Variants in AZI2 observed in about 807,000 individuals in gnomAD.
The protein encoded by AZI2 is 5-azacytidine-induced protein 2.
In AZI2, 22 loss-of-function variants were observed where a neutral mutation model predicts 45.8. The ratio of observed to expected loss-of-function variants is 0.48; its 90% CI spans 0.34 to 0.69. AZI2 has a LOEUF of 0.69. Ranked by LOEUF, AZI2 falls within the 30% of genes least tolerant of loss-of-function variation. AZI2 has a pLI of 0.01. For missense variants in AZI2, 417 were observed against 441.5 expected (o/e 0.94, Z 0.50); for synonymous variants, 137 against 156.7 (o/e 0.87, Z 0.94).
chr3:28,324,565 C>A, intron 7 of AZI2, 111 bp from the exon 8 acceptor site: 1 of 1,025,384 alleles, frequency 9.8e-7, no homozygotes, highest in East Asian at 2.7e-5. Context: ...TTAAGATTTC[C>A]AAGTTAGTGT....
chr3:28,337,713 T>TA (rs2125656414), intron 4 of AZI2, among the ~76,000 whole-genome samples: 1 of 152,154 alleles, frequency 6.6e-6, no homozygotes, highest in Non-Finnish European at 1.5e-5. Context: ...TAGACCTGAA[T>TA]AAAAACCATC....
rs185046616 is a variant in AZI2 at position 28,348,720 on chromosome 3, C to T, written c.-125G>A. The T allele has an allele frequency of 3.1e-3, 485 of 157,404 alleles. 1 individual carries two copies. Among genetic ancestry groups the T allele is most frequent in the African/African-American group, 0.01 (435 of 41,630 alleles). 9.8% of individuals were successfully genotyped at this position (157,404 alleles called of 1,614,324 possible). On this transcript the variant is annotated 5_prime_UTR_variant, in exon 1 of 8. Coordinates refer to ENST00000479665, the MANE Select transcript of AZI2 (RefSeq NM_022461.5). ...GGTCACCACGGGCTTCCGGTTTCTT[C>T]GAAGACACCGCCGCTTCCACAGCGA...
intron 4 of AZI2, among the ~76,000 whole-genome samples, 185 bp downstream of exon 4, chr3:28,337,752 T>C (rs1176861082): frequency 6.6e-6 from 1 of 152,008 alleles, no homozygotes; most frequent in Non-Finnish European, 1.5e-5. Flanking sequence ...GTGCAATATA[T>C]AGCTAAGGAA....
intron 1 of AZI2, among the ~76,000 whole-genome samples, chr3:28,347,635 C>T (rs533366049): frequency 4.8e-4 from 73 of 152,320 alleles, no homozygotes; most frequent in African/African-American, 1.7e-3. Flanking sequence ...GTGTTCTGAC[C>T]TAATCCAGTG....
At chr3:28,343,763 C>T (rs1264449279) in intron 1 of AZI2, among the ~76,000 whole-genome samples, 6 of 151,810 alleles carry the variant, frequency 4.0e-5, no homozygotes, top group Non-Finnish European at 8.8e-5. Flanking sequence ...TAATATTTTC[C>T]CCTCTCCAAT....
At chr3:28,347,908 C>T (rs746005563) in intron 1 of AZI2, among the ~76,000 whole-genome samples, 8 of 152,208 alleles carry the variant, frequency 5.3e-5, no homozygotes, top group African/African-American at 9.6e-5. Context: ...ACACATAAGG[C>T]GCAAGGGTCA....
chr3:28,332,472 A>G (rs369977984), intron 5 of AZI2, 45 bp from the exon 6 acceptor site: 38 of 1,518,806 alleles, frequency 2.5e-5, no homozygotes, highest in Admixed American at 3.4e-5. Context: ...TGTAATTTTT[A>G]CAATTTATTT....
intron 6 of AZI2, among the ~76,000 whole-genome samples, chr3:28,327,811 G>C (rs1166291164): frequency 2.0e-5 from 3 of 149,832 alleles, no homozygotes; most frequent in South Asian, 2.1e-4. Flanking sequence ...TTGTTGTACA[G>C]GAATATCACA....
intron 5 of AZI2, among the ~76,000 whole-genome samples, chr3:28,334,272 T>C (rs1476526002): frequency 1.3e-5 from 2 of 151,960 alleles, no homozygotes; most frequent in African/African-American, 4.8e-5. Flanking sequence ...GCTAGACTAA[T>C]GTGAGCTAGA....
At chr3:28,325,411 TGGA>T (rs1395171784) in intron 7 of AZI2, among the ~76,000 whole-genome samples, 1 of 150,836 alleles carries the variant, frequency 6.6e-6, no homozygotes, top group Admixed American at 6.6e-5. Flanking sequence ...TGGATATGGA[TGGA>T]GGAGAACTGG....
At chr3:28,326,671 T>G in intron 7 of AZI2, 161 bp downstream of exon 7, 1 of 714,562 alleles carries the variant, frequency 1.4e-6, no homozygotes, top group Non-Finnish European at 2.6e-6. Context: ...TTGACCAGTA[T>G]GAGACTGAAG....
intron 1 of AZI2, among the ~76,000 whole-genome samples, chr3:28,343,758 T>C (rs747957959): frequency 6.6e-6 from 1 of 151,974 alleles, no homozygotes; most frequent in Non-Finnish European, 1.5e-5. Context: ...GCTATTAATA[T>C]TTTCCCCTCT....
Position 28,321,819 on chromosome 3 carries a change from C to G in AZI2, c.*2223G>C, listed in dbSNP as rs973879436. 6.6e-6 allele frequency: 1 copy of G among 151,308 alleles called. No individual in the cohort carries two copies. Among genetic ancestry groups the G allele is most frequent in the Non-Finnish European group, 1.5e-5 (1 of 67,512 alleles). The allele number at this position is 151,308 out of a possible 1,614,324, so 9.4% of individuals were successfully genotyped here. ...GTAAGTCTTACAGATGTAAATTTTA[C>G]TTTAGCTAATAAGGGAGCAAGAGGA... On this transcript the variant is annotated 3_prime_UTR_variant, in exon 8 of 8. Transcript: ENST00000479665.
chr3:28,327,527 T>TG (rs1335548996), intron 6 of AZI2, among the ~76,000 whole-genome samples: 2 of 151,084 alleles, frequency 1.3e-5, no homozygotes, highest in East Asian at 3.9e-4. Context: ...GCACAAGACA[T>TG]GAAGAGCCAG....
chr3:28,347,404 C>G (rs1249478857), intron 1 of AZI2, among the ~76,000 whole-genome samples: 3 of 152,110 alleles, frequency 2.0e-5, no homozygotes, highest in Non-Finnish European at 4.4e-5. Flanking sequence ...AGAATCTCCT[C>G]AGATTACAGG....
In AZI2 at chr3:28,321,271, G is replaced by GT. The variant is rs1164492336; in HGVS notation, c.*2770dup. 1 of 151,274 alleles carries GT rather than the reference G, an allele frequency of 6.6e-6. No homozygotes were observed. Among genetic ancestry groups the GT allele is most frequent in the Non-Finnish European group, 1.5e-5 (1 of 67,516 alleles). The allele number at this position is 151,274 out of a possible 1,614,324, so 9.4% of individuals were successfully genotyped here. ...TTTCCTAGAGCACAGGAAGTTAACT[G>GT]TTTTTAGAGATAAATGAAAATGGAA... is the stretch of plus-strand genomic sequence containing the variant. On this transcript the variant is annotated 3_prime_UTR_variant, in exon 8 of 8. Coordinates refer to ENST00000479665, the MANE Select transcript of AZI2 (RefSeq NM_022461.5).
chr3:28,324,267 T>C lies in AZI2; in HGVS notation c.954A>G (p.Ser318=). 2 of 1,609,340 alleles carry C rather than the reference T, an allele frequency of 1.2e-6. No individual in the cohort carries two copies. The highest frequency in any genetic ancestry group is 1.7e-6 in the Non-Finnish European group (2 of 1,176,786). The change falls in exon 8 of 8, where the codon TCA becomes TCG. Residue 318 remains serine (S), a synonymous_variant. Coordinates refer to ENST00000479665, the MANE Select transcript of AZI2 (RefSeq NM_022461.5). ...KVLSEKAILQ[S]WTDNERSIPN... ...GAATGGATCTCTCATTGTCTGTCCA[T>C]GATTGGAGGATTGCTTTCTCTGATA...
chr3:28,332,307 C>A, intron 6 of AZI2, 62 bp downstream of exon 6: 2 of 1,446,344 alleles, frequency 1.4e-6, no homozygotes, highest in Non-Finnish European at 1.9e-6. Context: ...ATCTAAGGAC[C>A]TACACAAAGT....
At chr3:28,336,478 AAACT>A (rs1703793769) in intron 5 of AZI2, among the ~76,000 whole-genome samples, 1 of 152,068 alleles carries the variant, frequency 6.6e-6, no homozygotes, top group Non-Finnish European at 1.5e-5. Context: ...CAGTTATAAT[AAACT>A]AATAAGCTTA....
Sources: gnomAD v4.1 joint callset for allele counts (sites outside exome capture counted in the v4.1 genomes callset) on GRCh38, gnomAD v4.1.1 for gene constraint, MANE v1.5 for transcripts, NCBI Gene and HGNC (gene_info 2026-07-23, HGNC 2026-07-21) for gene names.